Variants in MIAT observed in about 807,000 individuals in gnomAD.
MIAT encodes MI related novel mRNA.
chr22:26,672,688 A>C (rs555636861), downstream of MIAT: 9 of 399,136 alleles, frequency 2.3e-5, no homozygotes, highest in South Asian at 1.0e-3. Flanking sequence ...CGAGGAAGGC[A>C]GGAGGGGGCG....
exon 4 of MIAT, chr22:26,666,923 G>C (rs1930867508): frequency 2.5e-6 from 1 of 399,788 alleles, no homozygotes; most frequent in Non-Finnish European, 4.4e-6. Context: ...CTGTGTGTCG[G>C]CTGGATGCTG....
At chr22:26,672,726 G>A, downstream of MIAT, 2 of 399,088 alleles carry the variant, frequency 5.0e-6, no homozygotes, top group Non-Finnish European at 8.8e-6. Context: ...TAGCAGAGGG[G>A]CGTGTCCCAC....
downstream of MIAT, chr22:26,672,981 C>T (rs930243953): frequency 1.0e-5 from 4 of 398,630 alleles, no homozygotes; most frequent in Middle Eastern, 6.3e-4. Flanking sequence ...GGCCGGTTTC[C>T]CCCACCGTAA....
intron 2 of MIAT, among the ~76,000 whole-genome samples, chr22:26,663,143 A>G (rs940276077): frequency 1.3e-5 from 2 of 152,214 alleles, no homozygotes; most frequent in Non-Finnish European, 2.9e-5. Flanking sequence ...ATTGGTTGAC[A>G]CTGGCCTGAT....
At chr22:26,653,068 A>G (rs16982551) in intron 2 of MIAT, among the ~76,000 whole-genome samples, 17,328 of 152,216 alleles carry the variant, frequency 0.11, 995 homozygotes, top group African/African-American at 0.16. Context: ...TCTCAAACCA[A>G]GCATGAACTG....
At chr22:26,664,005 C>CTTTTTTTTTT (rs202155948) in intron 3 of MIAT, among the ~76,000 whole-genome samples, 1 of 116,266 alleles carries the variant, frequency 8.6e-6, no homozygotes, top group African/African-American at 3.8e-5. Context: ...CTGTGTTCAG[C>CTTTTTTTTTT]TTTTTTTTTT....
downstream of MIAT, chr22:26,669,862 G>A (rs1930981735): frequency 1.0e-5 from 4 of 398,698 alleles, no homozygotes; most frequent in Non-Finnish European, 1.8e-5. Flanking sequence ...GTCCTGAGAA[G>A]GGCCTGGGCT....
At chr22:26,652,943 G>A (rs1012682393) in intron 2 of MIAT, among the ~76,000 whole-genome samples, 1 of 152,116 alleles carries the variant, frequency 6.6e-6, no homozygotes. Flanking sequence ...TTTCCTGGAA[G>A]GTGTTTACCA....
chr22:26,654,798 G>A (rs1001350870), intron 2 of MIAT, among the ~76,000 whole-genome samples: 14 of 152,074 alleles, frequency 9.2e-5, no homozygotes, highest in African/African-American at 2.2e-4. Context: ...TGCAAGCTCC[G>A]CCTCCTGGGT....
downstream of MIAT, chr22:26,669,924 G>A (rs1376027008): frequency 1.0e-5 from 4 of 398,630 alleles, no homozygotes; most frequent in East Asian, 1.4e-4. Context: ...TCTGTGAAAT[G>A]GAAGGAATGT....
At chr22:26,654,588 AAG>A (rs1930390546) in intron 2 of MIAT, among the ~76,000 whole-genome samples, 1 of 152,178 alleles carries the variant, frequency 6.6e-6, no homozygotes, top group African/African-American at 2.4e-5. Flanking sequence ...GTGATGACAA[AAG>A]CTCAGGCAGG....
At chr22:26,675,320 A>G in exon 5 of MIAT, 1 of 398,742 alleles carries the variant, frequency 2.5e-6, no homozygotes, top group Non-Finnish European at 4.4e-6. Context: ...AGCAAGAGAT[A>G]GGAGACATGG....
At chr22:26,661,065 T>G (rs1355585526) in intron 2 of MIAT, among the ~76,000 whole-genome samples, 2 of 152,184 alleles carry the variant, frequency 1.3e-5, no homozygotes, top group Non-Finnish European at 1.5e-5. Context: ...TATGGATACT[T>G]AGTGATTTGC....
intron 2 of MIAT, among the ~76,000 whole-genome samples, chr22:26,651,420 G>C (rs1261633096): frequency 6.6e-6 from 1 of 152,216 alleles, no homozygotes; most frequent in Non-Finnish European, 1.5e-5. Flanking sequence ...TGGCCCGGCA[G>C]AGAAGTGGAG....
At chr22:26,674,459 A>C (rs983328156), downstream of MIAT, 10 of 398,618 alleles carry the variant, frequency 2.5e-5, no homozygotes, top group Non-Finnish European at 4.0e-5. Context: ...GGATTGGATC[A>C]GTTTAGGGAC....
chr22:26,657,293 T>G (rs1227906128), intron 2 of MIAT: 1 of 390,330 alleles, frequency 2.6e-6, no homozygotes, highest in Non-Finnish European at 4.5e-6. Context: ...CGGCGGGGGC[T>G]GCGGAGTGCT....
intron 2 of MIAT, among the ~76,000 whole-genome samples, chr22:26,653,764 C>T: frequency 6.6e-6 from 1 of 152,152 alleles, no homozygotes; most frequent in East Asian, 1.9e-4. Context: ...CCCTTCTCTT[C>T]CCCTTTGCTC....
chr22:26,672,845 G>A (rs1931103346), downstream of MIAT: 1 of 398,496 alleles, frequency 2.5e-6, no homozygotes, highest in East Asian at 3.6e-5. Flanking sequence ...AAGTCGGCCA[G>A]AGAAACATTT....
intron 2 of MIAT, among the ~76,000 whole-genome samples, chr22:26,647,765 G>A (rs1426623089): frequency 6.6e-6 from 1 of 152,080 alleles, no homozygotes; most frequent in Non-Finnish European, 1.5e-5. Flanking sequence ...GAACAGACTG[G>A]GGGGAAGCCC....
Sources: allele counts gnomAD v4.1 joint callset (sites outside exome capture counted in the v4.1 genomes callset), GRCh38; gene constraint gnomAD v4.1.1; transcripts MANE v1.5; gene names NCBI Gene and HGNC (gene_info 2026-07-23, HGNC 2026-07-21).